LSM3: variants seen among roughly 807,000 people sequenced by gnomAD.
LSM3 encodes LSM3 homolog, U6 small nuclear RNA and mRNA degradation associated.
LSM3 carries 14 observed loss-of-function variants against 15.4 expected under a neutral mutation model. The observed-to-expected ratio is 0.91, with a 90% CI of 0.60 to 1.42. LSM3 has a LOEUF of 1.42. Ranked by LOEUF, LSM3 falls within the 40% of genes most tolerant of loss-of-function variation. The pLI is 0.00. For synonymous variants in LSM3, 46 were observed against 45.1 expected (o/e 1.02, Z -0.08); for missense variants, 88 against 127.9 (o/e 0.69, Z 1.50).
At chr3:14,179,775 C>CCT (rs1697000714) in intron 1 of LSM3, among the ~76,000 whole-genome samples, 1 of 152,214 alleles carries the variant, frequency 6.6e-6, no homozygotes, top group Admixed American at 6.5e-5. Context: ...TCAGAGGAAG[C>CCT]CTCTTTGAGA....
chr3:14,186,068 C>T (rs776498146), intron 3 of LSM3, among the ~76,000 whole-genome samples: 19 of 152,156 alleles, frequency 1.2e-4, no homozygotes, highest in African/African-American at 2.4e-4. Flanking sequence ...TGTGCCACCA[C>T]GCCCAGCTAA....
intron 2 of LSM3, 136 bp downstream of exon 2, chr3:14,181,806 C>A: frequency 1.7e-6 from 1 of 592,692 alleles, no homozygotes; most frequent in South Asian, 2.3e-5. Context: ...ATCACATAAG[C>A]CAAATAAAGC....
chr3:14,178,964 T>C, intron 1 of LSM3, 83 bp downstream of exon 1: 2 of 1,458,886 alleles, frequency 1.4e-6, no homozygotes, highest in Non-Finnish European at 9.6e-7. Flanking sequence ...TGGCCAGTCG[T>C]GCCTCCTCTC....
At chr3:14,184,428 T>C (rs1419838771) in intron 3 of LSM3, among the ~76,000 whole-genome samples, 2 of 152,136 alleles carry the variant, frequency 1.3e-5, no homozygotes, top group Non-Finnish European at 2.9e-5. Context: ...TATTAGAAAC[T>C]GAAACTGAAA....
chr3:14,192,198 C>T (rs1034299815), intron 3 of LSM3, among the ~76,000 whole-genome samples: 19 of 152,112 alleles, frequency 1.2e-4, no homozygotes, highest in African/African-American at 4.6e-4. Context: ...GTTTTACTTC[C>T]AATTATGTGG....
intron 3 of LSM3, among the ~76,000 whole-genome samples, chr3:14,188,446 A>G (rs1697110443): frequency 6.6e-6 from 1 of 152,190 alleles, no homozygotes; most frequent in African/African-American, 2.4e-5. Flanking sequence ...CTAGACTCAC[A>G]CAGTCTTAAA....
chr3:14,184,609 T>C (rs1167502058), intron 3 of LSM3, among the ~76,000 whole-genome samples: 1 of 149,434 alleles, frequency 6.7e-6, no homozygotes, highest in Non-Finnish European at 1.5e-5. Flanking sequence ...TACAAAAAAT[T>C]AGCCGGGCGT....
intron 2 of LSM3, among the ~76,000 whole-genome samples, chr3:14,182,929 C>A (rs528384867): frequency 6.6e-6 from 1 of 152,112 alleles, no homozygotes; most frequent in East Asian, 1.9e-4. Context: ...AGATAAAGAA[C>A]CTCTGGGCTT....
chr3:14,185,840 A>C (rs1221682473), intron 3 of LSM3, among the ~76,000 whole-genome samples: 2 of 152,194 alleles, frequency 1.3e-5, no homozygotes, highest in African/African-American at 4.8e-5. Flanking sequence ...TCACTGGGCT[A>C]TGCAGATTCA....
chr3:14,178,882 G>C lies in LSM3; in HGVS notation c.21+1G>C, dbSNP rs113749601. On this transcript the variant is annotated splice_donor_variant, in intron 1 of 3. Transcript: ENST00000306024. LOFTEE classifies it high-confidence loss of function. Reference sequence around the variant, plus strand: ...AAACATGGCGGACGACGTAGACCAGGTAAGTGTATTTTAAGGAGGTCGCTC... The same window carrying C: ...AAACATGGCGGACGACGTAGACCAGCTAAGTGTATTTTAAGGAGGTCGCTC... 6.2e-7 allele frequency: 1 copy of C among 1,614,152 alleles called. No individual in the cohort carries two copies. Among genetic ancestry groups the C allele is most frequent in the South Asian group, 1.1e-5 (1 of 91,086 alleles).
Position 14,200,115 on chromosome 3 carries a change from C to T in LSM3, c.*1999C>T, listed in dbSNP as rs1410625140. On this transcript the variant is annotated 3_prime_UTR_variant, in exon 4 of 4. Transcript: ENST00000306024. ...TTTTGGCTGTGAGGACTTGATTATA[C>T]ACATTTCTAAAACCCATGAACCTTA... 8 of 152,230 alleles carry T rather than the reference C, an allele frequency of 5.3e-5. No individual in the cohort carries two copies. Among genetic ancestry groups the T allele is most frequent in the Admixed American group, 3.9e-4 (6 of 15,282 alleles). The allele number at this position is 152,230 out of a possible 1,614,324, so 9.4% of individuals were successfully genotyped here. A position where few individuals can be genotyped will look rare whatever the true frequency, so the allele number is the denominator to read the frequency against.
At chr3:14,187,470 T>C (rs1221010477) in intron 3 of LSM3, among the ~76,000 whole-genome samples, 2 of 152,232 alleles carry the variant, frequency 1.3e-5, no homozygotes, top group African/African-American at 2.4e-5. Flanking sequence ...GAGAATACTT[T>C]AGTGTGTAAA....
At position 14,190,697 on chromosome 3, in the gene LSM3, C is replaced by T. The variant is rs891217366; in HGVS notation, c.228+6665C>T. Among the ~76,000 whole-genome samples, 17 of 152,274 alleles carry T rather than the reference C, an allele frequency of 1.1e-4. No homozygotes were observed. The East Asian group carries it at 2.1e-3, about 19-fold the overall frequency. On this transcript the variant is annotated intron_variant, in intron 3 of 3. Coordinates refer to ENST00000306024, the MANE Select transcript of LSM3 (RefSeq NM_014463.3). ...AGCTTAAGGAGGTTTTGGGCTGAGA[C>T]GATGGGGTTTTCTAAATATACAATC...
chr3:14,189,383 C>A (rs143735641), intron 3 of LSM3, among the ~76,000 whole-genome samples: 63,364 of 152,042 alleles, frequency 0.42, 13,830 homozygotes, highest in Non-Finnish European at 0.48. Context: ...ACCACACTGT[C>A]TTCCACAATG....
In LSM3 at chr3:14,198,213, A is replaced by G. The variant is rs1697203798; in HGVS notation, c.*97A>G. 1.2e-6 allele frequency: 1 copy of G among 867,486 alleles called. No homozygotes were observed. The highest frequency in any genetic ancestry group is 1.5e-5 in the South Asian group (1 of 67,384). 53.7% of individuals were successfully genotyped at this position (867,486 alleles called of 1,614,324 possible). On this transcript the variant is annotated 3_prime_UTR_variant, in exon 4 of 4. Transcript: ENST00000306024. ...ATAAGAGAAACCTGCATACATTTTG[A>G]TATTAAGAAATAATTCCGGGGATTC...
Position 14,187,694 on chromosome 3 carries a change from C to T in LSM3, c.228+3662C>T, listed in dbSNP as rs543810192. Among the ~76,000 whole-genome samples the T allele has an allele frequency of 7.2e-5, 11 of 152,044 alleles. No individual in the cohort carries two copies. In the East Asian group the frequency reaches 1.9e-3, roughly 27 times the overall value. ...TATTGAAATAACTAATGAACATCAA[C>T]GTTTTACCACCAAAACAGTATGGGG... On this transcript the variant is annotated intron_variant, in intron 3 of 3. Transcript: ENST00000306024.
intron 3 of LSM3, among the ~76,000 whole-genome samples, chr3:14,184,682 G>T (rs886357799): frequency 6.7e-6 from 1 of 148,560 alleles, no homozygotes; most frequent in African/African-American, 2.5e-5. Flanking sequence ...GCGTGAACCC[G>T]GGAGGCGGAG....
chr3:14,194,198 C>T (rs1016165415), intron 3 of LSM3, among the ~76,000 whole-genome samples: 3 of 152,174 alleles, frequency 2.0e-5, no homozygotes, highest in Admixed American at 6.5e-5. Flanking sequence ...GTCTGTCGGC[C>T]CCAACTGGGA....
At chr3:14,194,380 A>G (rs1245253879) in intron 3 of LSM3, among the ~76,000 whole-genome samples, 1 of 152,170 alleles carries the variant, frequency 6.6e-6, no homozygotes, top group Non-Finnish European at 1.5e-5. Context: ...TTTTACAGAG[A>G]TGCCCTGTCC....
Sources: allele counts gnomAD v4.1 joint callset (sites outside exome capture counted in the v4.1 genomes callset), GRCh38; gene constraint gnomAD v4.1.1; transcripts MANE v1.5; gene names NCBI Gene and HGNC (gene_info 2026-07-23, HGNC 2026-07-21).